The following TTC39B variants were observed in gnomAD, a reference collection of about 807,000 sequenced individuals.
TTC39B encodes the protein tetratricopeptide repeat domain 39B, also known as tetratricopeptide repeat protein 39B.
Under a neutral mutation model 96.6 loss-of-function variants are expected in TTC39B, and 92 were observed. The ratio of observed to expected loss-of-function variants is 0.95; its 90% CI spans 0.80 to 1.13. The LOEUF is 1.13. TTC39B is among the 50% of genes most tolerant of loss of function. TTC39B has a pLI of 0.00. For synonymous variants in TTC39B, 367 were observed against 299.4 expected, an observed-to-expected ratio of 1.23 and a Z score of -2.33; for missense variants, 955 against 809.3, an observed-to-expected ratio of 1.18 and a Z score of -2.18.
At chr9:15,211,296 G>T in exon 5 of TTC39B, 1 of 1,580,874 alleles carries the variant, frequency 6.3e-7, no homozygotes, top group South Asian at 1.2e-5. Flanking sequence ...GTCCTTCATG[G>T]CAGAAATGCC....
intron 2 of TTC39B, among the ~76,000 whole-genome samples, chr9:15,239,397 C>G (rs370162872): frequency 6.6e-6 from 1 of 152,206 alleles, no homozygotes; most frequent in African/African-American, 2.4e-5. Flanking sequence ...CCATTTGAGA[C>G]AGCAATCCCA....
chr9:15,289,191 T>C (rs10961959), intron 1 of TTC39B, among the ~76,000 whole-genome samples: 76,049 of 152,072 alleles, frequency 0.5, 19,333 homozygotes, highest in East Asian at 0.71. Flanking sequence ...TTACCAGTGT[T>C]GGTATTTTAA....
At chr9:15,286,711 C>CCT (rs1453585944) in intron 1 of TTC39B, among the ~76,000 whole-genome samples, 1 of 152,206 alleles carries the variant, frequency 6.6e-6, no homozygotes, top group Non-Finnish European at 1.5e-5. Context: ...GAGCTTCCAA[C>CCT]CTCAGCACTC....
At chr9:15,305,250 A>G (rs1824718999) in intron 1 of TTC39B, among the ~76,000 whole-genome samples, 1 of 152,180 alleles carries the variant, frequency 6.6e-6, no homozygotes, top group African/African-American at 2.4e-5. Context: ...TCTTGTACCC[A>G]GGTCATATCT....
Position 15,191,172 on chromosome 9 carries a change from A to T in TTC39B, c.996+18T>A. On this transcript the variant is annotated intron_variant, in intron 10 of 19. Transcript: ENST00000512701. ...TCTTATCTTCCCTGTCAAAATTAAC[A>T]TAAAATTAAATTTGTACCCTATTCC... 1.3e-6 allele frequency: 2 copies of T among 1,552,062 alleles called. No homozygotes were observed. The highest frequency in any genetic ancestry group is 1.8e-6 in the Non-Finnish European group (2 of 1,126,362).
At chr9:15,170,540 C>CA (rs1015688259) in exon 20 of TTC39B, 2 of 152,114 alleles carry the variant, frequency 1.3e-5, no homozygotes, top group African/African-American at 4.8e-5. Flanking sequence ...TGAGCCCTCA[C>CA]AAGTACCAAA....
At chr9:15,270,857 C>T (rs559999662) in intron 1 of TTC39B, among the ~76,000 whole-genome samples, 13 of 151,988 alleles carry the variant, frequency 8.6e-5, no homozygotes, top group Admixed American at 3.3e-4. Flanking sequence ...TCTATAAAGG[C>T]CAGACAAAAG....
chr9:15,303,886 C>T lies in TTC39B; in HGVS notation c.240+3198G>A, dbSNP rs142529753. ...CTGACCTCAGGTGATCCACCCGCCT[C>T]AGCCTCCCAAAGTGATGGGATTACA... On this transcript the variant is annotated intron_variant, in intron 1 of 19. Coordinates refer to ENST00000512701, the Ensembl canonical transcript of TTC39B. Among the ~76,000 whole-genome samples the T allele has an allele frequency of 6.0e-3, 915 of 152,260 alleles. 20 individuals are homozygous for T. Among genetic ancestry groups the T allele is most frequent in the East Asian group, 0.048 (250 of 5,174 alleles).
At chr9:15,202,734 A>G (rs573508934) in intron 7 of TTC39B, among the ~76,000 whole-genome samples, 62 of 135,122 alleles carry the variant, frequency 4.6e-4, no homozygotes, top group Middle Eastern at 7.4e-3. Context: ...TCCCCCACCA[A>G]AAAAAAAAAA....
intron 1 of TTC39B, among the ~76,000 whole-genome samples, chr9:15,297,759 G>A (rs957151689): frequency 5.6e-4 from 85 of 152,176 alleles, no homozygotes; most frequent in Non-Finnish European, 1.3e-4. Flanking sequence ...TTGCCAGGGA[G>A]CCACCTAAAA....
At chr9:15,171,994 A>T (rs753928128) in exon 20 of TTC39B, 1 of 1,581,636 alleles carries the variant, frequency 6.3e-7, no homozygotes, top group Non-Finnish European at 8.7e-7. Context: ...CTAATTGAGG[A>T]AAAATTCCAT....
rs180946828 is a variant in TTC39B, at chr9:15,184,070, G to T, written c.1614+1210C>A. On this transcript the variant is annotated intron_variant, in intron 16 of 19. Transcript: ENST00000512701. ...CTAAGAAAACAATCAACAACCCAATGAAAAATTAGGAAAGAATATGAACAA... is the reference window on the plus strand; with the variant it reads ...CTAAGAAAACAATCAACAACCCAATTAAAAATTAGGAAAGAATATGAACAA... Among the ~76,000 whole-genome samples, 481 of 151,848 alleles carry T rather than the reference G, an allele frequency of 3.2e-3. 4 individuals are homozygous for T. The highest frequency in any genetic ancestry group is 5.1e-3 in the Non-Finnish European group (343 of 67,900).
intron 3 of TTC39B, 46 bp from the exon 4 acceptor site, chr9:15,214,295 T>A (rs1004035826): frequency 6.9e-7 from 1 of 1,459,032 alleles, no homozygotes; most frequent in Non-Finnish European, 9.6e-7. Flanking sequence ...AGCTTTACGA[T>A]CAGCAAGTTG....
chr9:15,296,579 C>T (rs1427234972), intron 1 of TTC39B, among the ~76,000 whole-genome samples: 1 of 152,184 alleles, frequency 6.6e-6, no homozygotes, highest in Non-Finnish European at 1.5e-5. Context: ...ACTGCAATCT[C>T]CGCCTCCCAG....
intron 3 of TTC39B, 50 bp downstream of exon 3, chr9:15,225,867 T>G (rs527448597): frequency 4.6e-6 from 7 of 1,522,176 alleles, no homozygotes; most frequent in Admixed American, 1.7e-5. Context: ...CCTTCAAGGG[T>G]GGGACTGTCC....
rs981257168 is a variant in TTC39B at position 15,198,475 on chromosome 9, T to C, written c.824+1386A>G. ...TCGGTCGCAAAAATATATATATATA[T>C]ATATATATATATCATAAAGGGCAAA... is the stretch of plus-strand genomic sequence containing the variant. On this transcript the variant is annotated intron_variant, in intron 8 of 19. Transcript: ENST00000512701. Among the ~76,000 whole-genome samples, 429 of 148,838 alleles carry C rather than the reference T, an allele frequency of 2.9e-3. 6 individuals carry two copies. The highest frequency in any genetic ancestry group is 1.0e-2 in the African/African-American group (408 of 40,858).
At chr9:15,234,435 G>A (rs1265702415) in intron 2 of TTC39B, among the ~76,000 whole-genome samples, 11 of 147,136 alleles carry the variant, frequency 7.5e-5, no homozygotes, top group East Asian at 4.3e-4. Flanking sequence ...CCGGCCAGCC[G>A]CCCCGTCTGG....
chr9:15,271,935 C>A (rs7870745), intron 1 of TTC39B, among the ~76,000 whole-genome samples: 1 of 152,096 alleles, frequency 6.6e-6, no homozygotes, highest in Admixed American at 6.5e-5. Flanking sequence ...GATGGCCAAC[C>A]GCTCTCTCCC....
In TTC39B at chr9:15,285,953, C is replaced by T. The variant is rs569464723; in HGVS notation, c.241-18005G>A. ...TCTGCTTATAATCTGCTTTCTCACC[C>T]TCTCCACCTCCTTTTCCCTTCCTAT... On this transcript the variant is annotated intron_variant, in intron 1 of 19. Coordinates refer to ENST00000512701, the Ensembl canonical transcript of TTC39B. 3.3e-5 allele frequency among the ~76,000 whole-genome samples: 5 copies of T among 152,320 alleles called. No homozygotes were observed. In the South Asian group the frequency reaches 1.0e-3, roughly 32 times the overall value.
Sources: allele counts gnomAD v4.1 joint callset (sites outside exome capture counted in the v4.1 genomes callset), GRCh38; gene constraint gnomAD v4.1.1; transcripts MANE v1.5; gene names NCBI Gene and HGNC (gene_info 2026-07-23, HGNC 2026-07-21).